The following OTUD7A variants were observed in gnomAD, a reference collection of about 807,000 sequenced individuals.
OTUD7A encodes the protein OTU domain-containing protein 7A.
A neutral mutation model predicts 65.7 loss-of-function variants in OTUD7A; 12 were observed. That is an observed-to-expected ratio of 0.18 (90% confidence interval 0.12 to 0.30). OTUD7A has a LOEUF of 0.30. Ranked by LOEUF, OTUD7A falls within the 10% of genes least tolerant of loss-of-function variation. The pLI is 1.00. For synonymous variants in OTUD7A, 641 were observed against 586.3 expected (o/e 1.09, Z -1.35); for missense variants, 1,148 against 1,304.8 (o/e 0.88, Z 1.85).
At chr15:31,827,454 T>A (rs1332458258) in intron 1 of OTUD7A, among the ~76,000 whole-genome samples, 1 of 152,138 alleles carries the variant, frequency 6.6e-6, no homozygotes, top group Non-Finnish European at 1.5e-5. Flanking sequence ...CCACAACACG[T>A]GGGAATTATG....
At chr15:31,765,055 T>C (rs1478389716) in intron 1 of OTUD7A, among the ~76,000 whole-genome samples, 3 of 152,186 alleles carry the variant, frequency 2.0e-5, no homozygotes, top group Non-Finnish European at 1.5e-5. Flanking sequence ...TAAATAAATA[T>C]CTTTTGAATG....
chr15:31,856,262 G>T (rs1467787761), intron 1 of OTUD7A, among the ~76,000 whole-genome samples: 1 of 152,196 alleles, frequency 6.6e-6, no homozygotes, highest in African/African-American at 2.4e-5. Context: ...GATATCCACA[G>T]ACCATTTCTA....
intron 4 of OTUD7A, among the ~76,000 whole-genome samples, chr15:31,565,024 C>A (rs1006005956): frequency 1.3e-5 from 2 of 152,026 alleles, no homozygotes; most frequent in Non-Finnish European, 2.9e-5. Context: ...ATATACCTAA[C>A]AAGATAGCAT....
intron 3 of OTUD7A, among the ~76,000 whole-genome samples, chr15:31,617,299 C>G (rs1027347765): frequency 6.6e-6 from 1 of 151,980 alleles, no homozygotes; most frequent in South Asian, 2.1e-4. Flanking sequence ...CCATCCTGAC[C>G]AACATGGTGA....
intron 3 of OTUD7A, among the ~76,000 whole-genome samples, chr15:31,601,144 C>A (rs933273460): frequency 2.0e-5 from 3 of 152,162 alleles, no homozygotes; most frequent in Admixed American, 2.0e-4. Flanking sequence ...CACCCCAAAT[C>A]GACAGAATAT....
chr15:31,703,681 A>T (rs2141330357), intron 1 of OTUD7A, among the ~76,000 whole-genome samples: 1 of 151,902 alleles, frequency 6.6e-6, no homozygotes. Flanking sequence ...TAAACATAAA[A>T]CTACCATGCA....
At chr15:31,552,379 G>A (rs1243861528) in intron 5 of OTUD7A, among the ~76,000 whole-genome samples, 1 of 152,224 alleles carries the variant, frequency 6.6e-6, no homozygotes, top group South Asian at 2.1e-4. Flanking sequence ...ATGAATAATT[G>A]TAATGCTGGA....
At chr15:31,516,489 A>C (rs954756981) in intron 8 of OTUD7A, among the ~76,000 whole-genome samples, 3 of 152,176 alleles carry the variant, frequency 2.0e-5, no homozygotes, top group African/African-American at 7.2e-5. Context: ...TCCAAGACTT[A>C]GGGAGGGTCC....
At chr15:31,774,816 A>C (rs927518939) in intron 1 of OTUD7A, among the ~76,000 whole-genome samples, 1 of 151,936 alleles carries the variant, frequency 6.6e-6, no homozygotes, top group African/African-American at 2.4e-5. Context: ...AGCTTATAAC[A>C]CTTGTCTTTT....
intron 3 of OTUD7A, among the ~76,000 whole-genome samples, chr15:31,599,739 C>T (rs1890018885): frequency 6.6e-6 from 1 of 151,978 alleles, no homozygotes; most frequent in Admixed American, 6.6e-5. Flanking sequence ...AGCTAAGAAC[C>T]TTGAAAAAAG....
chr15:31,749,990 T>A (rs1019742895), intron 1 of OTUD7A, among the ~76,000 whole-genome samples: 1 of 152,104 alleles, frequency 6.6e-6, no homozygotes, highest in Admixed American at 6.6e-5. Context: ...ATACAATACT[T>A]AGGAATACTT....
Position 31,527,241 on chromosome 15 carries a change from T to C in OTUD7A, c.720A>G (p.Gly240=), listed in dbSNP as rs762798059. The part of the protein sequence containing the change: ...RKALYTMMRT[G]AEREALKRRW... The stretch of plus-strand genomic sequence containing the variant: ...TCCGCTTCAGGGCTTCCCTCTCAGC[T>C]CCCGTCCTCATCATGGTATAGAGAG... Residue 240 remains glycine, a synonymous_variant, in exon 7 of 13, where the codon GGA becomes GGG. Transcript: ENST00000307050. The C allele has an allele frequency of 2.2e-5, 35 of 1,614,134 alleles. No individual in the cohort carries two copies. The highest frequency in any genetic ancestry group is 2.9e-5 in the Non-Finnish European group (34 of 1,180,018).
chr15:31,708,950 G>A (rs1893368636), intron 1 of OTUD7A, among the ~76,000 whole-genome samples: 1 of 151,614 alleles, frequency 6.6e-6, no homozygotes, highest in Non-Finnish European at 1.5e-5. Flanking sequence ...TGTCAGAGAA[G>A]ATGTGAAAGT....
intron 3 of OTUD7A, among the ~76,000 whole-genome samples, chr15:31,630,297 G>A (rs936702421): frequency 6.7e-6 from 1 of 149,594 alleles, no homozygotes; most frequent in African/African-American, 2.5e-5. Context: ...TTGTGTCTTT[G>A]TTCTCGTTGG....
intron 1 of OTUD7A, among the ~76,000 whole-genome samples, chr15:31,657,633 T>C (rs1168112690): frequency 6.6e-6 from 1 of 152,076 alleles, no homozygotes; most frequent in Non-Finnish European, 1.5e-5. Flanking sequence ...AGTGCTGGGA[T>C]TGCAGGCGTG....
chr15:31,820,944 G>A (rs533947605), intron 1 of OTUD7A, among the ~76,000 whole-genome samples: 34 of 151,788 alleles, frequency 2.2e-4, no homozygotes, highest in African/African-American at 5.1e-4. Flanking sequence ...CCCACCAGCC[G>A]TCACTTACCA....
At position 31,484,475 on chromosome 15, in the gene OTUD7A, C is replaced by T. The variant is rs759665162; in HGVS notation, c.1621G>A (p.Gly541Ser). 2.5e-6 allele frequency: 4 copies of T among 1,606,898 alleles called. No homozygotes were observed. Among genetic ancestry groups the T allele is most frequent in the South Asian group, 2.2e-5 (2 of 91,082 alleles). The change falls in exon 13 of 13, where the codon GGC becomes AGC. Residue 541 changes from glycine (G) to serine (S), a missense_variant. This residue lies in a region of OTUD7A where 842 missense variants were observed against 769.5 expected (regional missense o/e 1.09). Coordinates refer to ENST00000307050, the MANE Select transcript of OTUD7A (RefSeq NM_001382637.1). The surrounding 1 kb of genome is among the most constrained non-coding windows in gnomAD (Gnocchi z 4.5). ...TTGCCGTGCACCAGGCCGCCGAGGC[C>T]GCCCATGTTTTTCTTCAGCTTGATG... is the stretch of plus-strand genomic sequence containing the variant. The part of the protein sequence containing the change: ...LGIKLKKNMG[G>S]LGGLVHGKMG...
intron 3 of OTUD7A, among the ~76,000 whole-genome samples, chr15:31,621,141 A>C (rs1890767258): frequency 6.6e-6 from 1 of 151,618 alleles, no homozygotes; most frequent in East Asian, 1.9e-4. Flanking sequence ...ACAGTTTGCT[A>C]TAATTTCTGT....
intron 1 of OTUD7A, among the ~76,000 whole-genome samples, chr15:31,734,830 T>C (rs1894142057): frequency 1.3e-5 from 2 of 151,726 alleles, no homozygotes; most frequent in Admixed American, 6.6e-5. Context: ...AATACCATCC[T>C]GGACATAGGT....
Sources: gnomAD v4.1 joint callset for allele counts (sites outside exome capture counted in the v4.1 genomes callset) on GRCh38, gnomAD v4.1.1 for gene constraint, gnomAD v4.1.1 regional missense constraint, Gnocchi (gnomAD v3.1) non-coding constraint, MANE v1.5 for transcripts, NCBI Gene and HGNC (gene_info 2026-07-23, HGNC 2026-07-21) for gene names.